The following PHACTR2 variants were observed in gnomAD, a reference collection of about 807,000 sequenced individuals.
PHACTR2 encodes the protein chromosome 6 open reading frame 56.
PHACTR2 carries 30 observed loss-of-function variants against 76.0 expected under a neutral mutation model. The ratio of observed to expected loss-of-function variants is 0.39; its 90% CI spans 0.30 to 0.54. The LOEUF (loss-of-function observed/expected upper bound fraction) is 0.54. Ranked by LOEUF, PHACTR2 falls within the 20% of genes least tolerant of loss-of-function variation. The pLI is 0.61. For missense variants in PHACTR2, 696 were observed against 781.1 expected (o/e 0.89, Z 1.30); for synonymous variants, 292 against 292.5 (o/e 1.00, Z 0.02).
intron 12 of PHACTR2, among the ~76,000 whole-genome samples, chr6:143,813,229 C>A (rs996039746): frequency 2.6e-5 from 4 of 152,064 alleles, no homozygotes; most frequent in African/African-American, 9.7e-5. Flanking sequence ...TGAATTGAGG[C>A]TCTTAGAGTT....
chr6:143,790,919 T>C (rs993878297), intron 11 of PHACTR2, among the ~76,000 whole-genome samples: 1 of 152,162 alleles, frequency 6.6e-6, no homozygotes, highest in Non-Finnish European at 1.5e-5. Context: ...CATTGTGATC[T>C]GCCCGCCTCG....
Position 143,589,699 on chromosome 6 carries a change from T to G in PHACTR2, c.217+52492T>G, listed in dbSNP as rs568133531. Among the ~76,000 whole-genome samples, 1 of 152,252 alleles carries G rather than the reference T, an allele frequency of 6.6e-6. No homozygotes were observed. Among genetic ancestry groups the G allele is most frequent in the South Asian group, 2.1e-4 (1 of 4,824 alleles). The stretch of plus-strand genomic sequence containing the variant: ...TAACAGCTTCATTTTAATACCATCA[T>G]CTCTTTTAAAGGCCCTATCTCCAAA... On this transcript the variant is annotated intron_variant, in intron 1 of 11. Coordinates refer to the PHACTR2 transcript ENST00000367584. This position sits in a 1 kb window ranked among gnomAD's most constrained non-coding sequence, Gnocchi z 4.4.
chr6:143,820,562 G>A lies in PHACTR2; in HGVS notation c.1923-3112G>A, dbSNP rs9496774. On this transcript the variant is annotated intron_variant, in intron 12 of 12. Coordinates refer to ENST00000440869, the MANE Select transcript of PHACTR2 (RefSeq NM_001100164.2). This position sits in a 1 kb window ranked among gnomAD's most constrained non-coding sequence, Gnocchi z 4.2. ...CTCTGACTCCATGTCCCATGTCCTG[G>A]GTACTCTGGTGTAAGTGGGCAGCTC... 6.6e-6 allele frequency among the ~76,000 whole-genome samples: 1 copy of A among 152,160 alleles called. No homozygotes were observed. Among genetic ancestry groups the A allele is most frequent in the Non-Finnish European group, 1.5e-5 (1 of 68,034 alleles).
At chr6:143,702,217 C>T (rs969024467) in intron 1 of PHACTR2, among the ~76,000 whole-genome samples, 2 of 150,096 alleles carry the variant, frequency 1.3e-5, no homozygotes, top group Admixed American at 1.3e-4. Context: ...AAGCGATCCT[C>T]CTGCCTCAGC....
In PHACTR2 at chr6:143,733,445, G is replaced by A. The variant is rs781500179; in HGVS notation, c.215-15540G>A. Among the ~76,000 whole-genome samples the A allele has an allele frequency of 7.9e-5, 12 of 152,146 alleles. No individual in the cohort carries two copies. The highest frequency in any genetic ancestry group is 1.0e-4 in the Non-Finnish European group (7 of 68,036). On this transcript the variant is annotated intron_variant, in intron 2 of 12. Coordinates refer to ENST00000440869, the MANE Select transcript of PHACTR2 (RefSeq NM_001100164.2). The surrounding 1 kb of genome is among the most constrained non-coding windows in gnomAD (Gnocchi z 4.0). ...ACGAATGAATGAATGAATGGCTCTT[G>A]ATGGACCTTATCCCATCCTATATAT...
In PHACTR2 at chr6:143,818,542, T is replaced by C. The variant is rs1424683223; in HGVS notation, c.1923-5132T>C. On this transcript the variant is annotated intron_variant, in intron 12 of 12. Transcript: ENST00000440869. This position sits in a 1 kb window ranked among gnomAD's most constrained non-coding sequence, Gnocchi z 4.9. ...TTATCTGTGTATTAGTCCATTCTCA[T>C]GCTGTTATAAGGACATACCCGAGAC... is the stretch of plus-strand genomic sequence containing the variant. Among the ~76,000 whole-genome samples, 1 of 152,242 alleles carries C rather than the reference T, an allele frequency of 6.6e-6. No homozygotes were observed. The highest frequency in any genetic ancestry group is 1.5e-5 in the Non-Finnish European group (1 of 68,044).
Position 143,743,326 on chromosome 6 carries a change from G to C in PHACTR2, c.215-5659G>C, listed in dbSNP as rs1455191585. 2.6e-5 allele frequency among the ~76,000 whole-genome samples: 4 copies of C among 152,202 alleles called. No homozygotes were observed. In the East Asian group the frequency reaches 5.8e-4, roughly 22 times the overall value. On this transcript the variant is annotated intron_variant, in intron 2 of 12. Coordinates refer to ENST00000440869, the MANE Select transcript of PHACTR2 (RefSeq NM_001100164.2). The surrounding 1 kb of genome is among the most constrained non-coding windows in gnomAD (Gnocchi z 5.0). Reference sequence around the variant, plus strand: ...AAAAGAGATGGAAGGAAAGTGATGGGAAAAATGGTTCGCTGGGACGGGTTG... The same window carrying C: ...AAAAGAGATGGAAGGAAAGTGATGGCAAAAATGGTTCGCTGGGACGGGTTG...
At chr6:143,719,131 C>T (rs1423070951) in intron 2 of PHACTR2, among the ~76,000 whole-genome samples, 2 of 150,880 alleles carry the variant, frequency 1.3e-5, no homozygotes, top group African/African-American at 4.9e-5. Flanking sequence ...GATCCACCTG[C>T]CTCGGCCTCC....
chr6:143,775,067 G>A lies in PHACTR2; in HGVS notation c.1589+852G>A, dbSNP rs537396069. Among the ~76,000 whole-genome samples the A allele has an allele frequency of 7.2e-5, 11 of 152,286 alleles. No homozygotes were observed. Among genetic ancestry groups the A allele is most frequent in the Non-Finnish European group, 1.5e-4 (10 of 68,018 alleles). ...CCAGAGCAGGATTTGGAGGTGGGGGGAAAATTGCTGTCCTTGCTTGGAAGT... is the reference window on the plus strand; with the variant it reads ...CCAGAGCAGGATTTGGAGGTGGGGGAAAAATTGCTGTCCTTGCTTGGAAGT... On this transcript the variant is annotated intron_variant, in intron 8 of 12. Transcript: ENST00000440869. This position sits in a 1 kb window ranked among gnomAD's most constrained non-coding sequence, Gnocchi z 4.4.
intron 2 of PHACTR2, among the ~76,000 whole-genome samples, chr6:143,715,352 T>C (rs996959462): frequency 2.0e-5 from 3 of 152,170 alleles, no homozygotes; most frequent in African/African-American, 7.2e-5. Context: ...AGCAGGAAGG[T>C]TGCTATGTGC....
intron 10 of PHACTR2, among the ~76,000 whole-genome samples, chr6:143,788,071 A>T (rs1775594139): frequency 6.6e-6 from 1 of 152,228 alleles, no homozygotes; most frequent in Non-Finnish European, 1.5e-5. Flanking sequence ...TACAAATCTG[A>T]ATTTGACAAA....
At chr6:143,817,295 A>G (rs1776320818) in intron 12 of PHACTR2, among the ~76,000 whole-genome samples, 1 of 152,226 alleles carries the variant, frequency 6.6e-6, no homozygotes, top group Non-Finnish European at 1.5e-5. Flanking sequence ...GGCGAGGGCT[A>G]AATAATTGCT....
rs577250091 is a variant in PHACTR2, at chr6:143,730,093, G to T, written c.214+17910G>T. 5.5e-4 allele frequency among the ~76,000 whole-genome samples: 83 copies of T among 152,218 alleles called. No homozygotes were observed. Among genetic ancestry groups the T allele is most frequent in the African/African-American group, 1.8e-3 (74 of 41,532 alleles). On this transcript the variant is annotated intron_variant, in intron 2 of 12. Transcript: ENST00000440869. The surrounding 1 kb of genome is among the most constrained non-coding windows in gnomAD (Gnocchi z 4.8). ...GCTTTATAAGTCTGAAAATTAGGTA[G>T]TGTGATTTTCCAACCTTATTCTTCA...
chr6:143,736,720 C>T (rs979882495), intron 2 of PHACTR2, among the ~76,000 whole-genome samples: 1 of 151,310 alleles, frequency 6.6e-6, no homozygotes, highest in East Asian at 1.9e-4. Context: ...ACTACAGGCA[C>T]CCGCCACCAT....
chr6:143,744,446 C>T (rs1484192768), intron 2 of PHACTR2, among the ~76,000 whole-genome samples: 5 of 152,174 alleles, frequency 3.3e-5, no homozygotes, highest in Non-Finnish European at 7.3e-5. Flanking sequence ...TATACTTACA[C>T]ATGTTAGGAG....
At chr6:143,666,488 C>T (rs9399454) in intron 1 of PHACTR2, among the ~76,000 whole-genome samples, 70,882 of 152,048 alleles carry the variant, frequency 0.47, 16,492 homozygotes, top group South Asian at 0.59. Context: ...ATTTACATGC[C>T]CAACAACAGT....
chr6:143,690,844 T>A lies in PHACTR2; in HGVS notation c.46+12635T>A, dbSNP rs117897612. Among the ~76,000 whole-genome samples, 156 of 152,294 alleles carry A rather than the reference T, an allele frequency of 1.0e-3. 1 individual carries two copies. In the East Asian group the frequency reaches 0.029, roughly 28 times the overall value. On this transcript the variant is annotated intron_variant, in intron 1 of 12. Coordinates refer to ENST00000440869, the MANE Select transcript of PHACTR2 (RefSeq NM_001100164.2). ...GTGATAATAATGTGCTGGCATTTTT[T>A]AAGAAGACTCACATTTAAGATCTAC... is the stretch of plus-strand genomic sequence containing the variant.
chr6:143,678,284 G>C lies in PHACTR2; in HGVS notation c.46+75G>C. 1 of 1,343,820 alleles carries C rather than the reference G, an allele frequency of 7.4e-7. No homozygotes were observed. The highest frequency in any genetic ancestry group is 3.1e-5 in the East Asian group (1 of 32,702). The allele number at this position is 1,343,820 out of a possible 1,614,324, so 83.2% of individuals were successfully genotyped here. On this transcript the variant is annotated intron_variant, in intron 1 of 12. Coordinates refer to ENST00000440869, the MANE Select transcript of PHACTR2 (RefSeq NM_001100164.2). This position sits in a 1 kb window ranked among gnomAD's most constrained non-coding sequence, Gnocchi z 6.2. ...GGCGGCGGGGCCCCGGGGCAGGCAG[G>C]GTTAGTCGTCTGGTCGGGTTCCGCT...
chr6:143,708,665 G>C lies in PHACTR2; in HGVS notation c.47-3351G>C, dbSNP rs1014720629. Among the ~76,000 whole-genome samples, 1 of 152,208 alleles carries C rather than the reference G, an allele frequency of 6.6e-6. No homozygotes were observed. Among genetic ancestry groups the C allele is most frequent in the African/African-American group, 2.4e-5 (1 of 41,448 alleles). ...GTGTCCTGGGTATCTAAAGAGGAGA[G>C]TTAATATTCTGCCCATACTACTCAA... On this transcript the variant is annotated intron_variant, in intron 1 of 12. Transcript: ENST00000440869. This position sits in a 1 kb window ranked among gnomAD's most constrained non-coding sequence, Gnocchi z 5.5.
Sources: gnomAD v4.1 joint callset for allele counts (sites outside exome capture counted in the v4.1 genomes callset) on GRCh38, gnomAD v4.1.1 for gene constraint, Gnocchi (gnomAD v3.1) non-coding constraint, MANE v1.5 for transcripts, NCBI Gene and HGNC (gene_info 2026-07-23, HGNC 2026-07-21) for gene names.